Variants in GRM5 observed in about 807,000 individuals in gnomAD.
GRM5 encodes metabotropic glutamate receptor 5.
Under a neutral mutation model 83.1 loss-of-function variants are expected in GRM5, and 19 were observed. That is an observed-to-expected ratio of 0.23 (90% CI 0.16 to 0.34). GRM5 has a LOEUF of 0.34. Among genes scored for constraint, GRM5 ranks in the 10% least tolerant of loss-of-function variants. The pLI is 1.00. For synonymous variants in GRM5, 675 were observed against 633.6 expected, an observed-to-expected ratio of 1.07 and a Z score of -0.98; for missense variants, 1,160 against 1,588.3, an observed-to-expected ratio of 0.73 and a Z score of 4.58.
chr11:88,586,631 C>A (rs1943320833), intron 7 of GRM5, among the ~76,000 whole-genome samples: 1 of 152,208 alleles, frequency 6.6e-6, no homozygotes, highest in East Asian at 1.9e-4. Flanking sequence ...TCAGGATGTT[C>A]TTCTAGCTAG....
chr11:88,623,314 A>G (rs190552159), intron 4 of GRM5, among the ~76,000 whole-genome samples: 45 of 151,652 alleles, frequency 3.0e-4, no homozygotes, highest in African/African-American at 1.0e-3. Context: ...TATTTTTTGT[A>G]TATTTAGTAG....
chr11:88,794,562 T>G (rs561662071), intron 3 of GRM5, among the ~76,000 whole-genome samples: 1 of 152,320 alleles, frequency 6.6e-6, no homozygotes, highest in South Asian at 2.1e-4. Context: ...AATGATCAGT[T>G]AGAAATCTAT....
At chr11:88,835,376 G>A (rs781419233) in intron 3 of GRM5, among the ~76,000 whole-genome samples, 56 of 152,198 alleles carry the variant, frequency 3.7e-4, no homozygotes, top group Non-Finnish European at 5.0e-4. Flanking sequence ...GCAGAAGTGT[G>A]TCAATTCTGA....
chr11:89,020,199 T>C (rs1280431952), intron 2 of GRM5, among the ~76,000 whole-genome samples: 2 of 152,216 alleles, frequency 1.3e-5, no homozygotes, highest in East Asian at 3.9e-4. Flanking sequence ...CAAGTGAAAG[T>C]CTCAGATAAC....
At chr11:88,816,137 C>T (rs1198037887) in intron 3 of GRM5, among the ~76,000 whole-genome samples, 5 of 135,108 alleles carry the variant, frequency 3.7e-5, no homozygotes, top group East Asian at 4.3e-4. Context: ...GGCGTGAACC[C>T]GGGAAGCGGA....
At position 89,002,063 on chromosome 11, in the gene GRM5, T is replaced by C. The variant is rs1228772357; in HGVS notation, c.661+45149A>G. 4.6e-5 allele frequency among the ~76,000 whole-genome samples: 7 copies of C among 152,272 alleles called. 1 individual carries two copies. In the South Asian group the frequency reaches 1.0e-3, roughly 23 times the overall value. ...GTTGATAACAACATTTTAAAAGGCATGTGGAAGGACATAAAGTGAATGCCT... is the reference window on the plus strand; with the variant it reads ...GTTGATAACAACATTTTAAAAGGCACGTGGAAGGACATAAAGTGAATGCCT... On this transcript the variant is annotated intron_variant, in intron 2 of 9. Coordinates refer to ENST00000305447, the MANE Select transcript of GRM5 (RefSeq NM_001143831.3).
At chr11:88,682,803 A>G (rs1292124141) in intron 3 of GRM5, among the ~76,000 whole-genome samples, 1 of 152,146 alleles carries the variant, frequency 6.6e-6, no homozygotes, top group Non-Finnish European at 1.5e-5. Flanking sequence ...TTAAAGAAAT[A>G]TGGACTTTTT....
At chr11:88,747,284 C>T (rs963181154) in intron 3 of GRM5, among the ~76,000 whole-genome samples, 7 of 152,120 alleles carry the variant, frequency 4.6e-5, no homozygotes, top group Non-Finnish European at 1.0e-4. Context: ...GTGAATACAG[C>T]ATAACAAGCT....
intron 3 of GRM5, among the ~76,000 whole-genome samples, chr11:88,849,298 T>C (rs1262826174): frequency 6.6e-6 from 1 of 152,190 alleles, no homozygotes; most frequent in Non-Finnish European, 1.5e-5. Context: ...ACTAATACAC[T>C]GATTCAGCCA....
At chr11:88,932,360 A>G (rs1480164816) in intron 2 of GRM5, among the ~76,000 whole-genome samples, 1 of 152,044 alleles carries the variant, frequency 6.6e-6, no homozygotes, top group Non-Finnish European at 1.5e-5. Flanking sequence ...ACAACAGTTT[A>G]TTGGCTAAAA....
At chr11:89,061,326 C>CA (rs1941988244) in intron 1 of GRM5, among the ~76,000 whole-genome samples, 1 of 152,142 alleles carries the variant, frequency 6.6e-6, no homozygotes. Flanking sequence ...AACCTCATCT[C>CA]ACATTTTCTA....
chr11:88,910,757 C>G (rs1289753980), intron 2 of GRM5, among the ~76,000 whole-genome samples: 3 of 151,988 alleles, frequency 2.0e-5, no homozygotes, highest in Non-Finnish European at 4.4e-5. Context: ...GTATTTCAAG[C>G]AAGAATCCAG....
In GRM5 at chr11:88,567,135, C is replaced by T; in HGVS notation, c.2548G>A (p.Gly850Ser). 1.2e-6 allele frequency: 2 copies of T among 1,614,068 alleles called. No individual in the cohort carries two copies. The highest frequency in any genetic ancestry group is 1.7e-6 in the Non-Finnish European group (2 of 1,179,984). The change falls in exon 8 of 10, where the codon GGC becomes AGC. Residue 850 changes from glycine to serine, a missense_variant. Transcript: ENST00000305447. This position sits in a 1 kb window ranked among gnomAD's most constrained non-coding sequence, Gnocchi z 7.3. ...STVVRMHVGD[G>S]KSSSAASRSS... Reference sequence around the variant, plus strand: ...CTGCTGGCTGCGGAGGATGACTTGCCATCCCCTACATGCATGCGCACCACG... The same window carrying T: ...CTGCTGGCTGCGGAGGATGACTTGCTATCCCCTACATGCATGCGCACCACG...
intron 2 of GRM5, among the ~76,000 whole-genome samples, chr11:88,912,438 GC>G (rs983666602): frequency 1.4e-5 from 2 of 148,126 alleles, no homozygotes; most frequent in African/African-American, 5.0e-5. Flanking sequence ...GCTTGCATTT[GC>G]CCTCTATGCA....
rs926123676 is a variant in GRM5 at position 88,742,058 on chromosome 11, C to T, written c.912-88655G>A. ...GCGGTGAAGTGGAAGGAAGGTTAGGCTGTGCCACAGATATTTATAGACTCT... is the reference window on the plus strand; with the variant it reads ...GCGGTGAAGTGGAAGGAAGGTTAGGTTGTGCCACAGATATTTATAGACTCT... On this transcript the variant is annotated intron_variant, in intron 3 of 9. Coordinates refer to ENST00000305447, the MANE Select transcript of GRM5 (RefSeq NM_001143831.3). 2.6e-4 allele frequency among the ~76,000 whole-genome samples: 40 copies of T among 152,056 alleles called. 1 individual carries two copies. The highest frequency in any genetic ancestry group is 2.4e-3 in the Admixed American group (37 of 15,230).
chr11:88,653,176 G>A lies in GRM5; in HGVS notation c.1139C>T (p.Thr380Ile). The change falls in exon 4 of 10, where the codon ACT becomes ATT. Residue 380 changes from threonine (T) to isoleucine (I), a missense_variant. Physicochemically the swap from Thr to Ile is moderately conservative, Grantham distance 89. Around this residue, in one of 9 missense-constraint regions of GRM5, gnomAD observed 132 missense variants for 197.6 expected, o/e 0.67. Transcript: ENST00000305447. ...ATAATAAATCTGCTTACTATTGCAA[G>A]TCTTGTTGTATTTGCTGTTCTCCTG... ...FPQENSKYNK[T>I]CNSSLTLKTH... The A allele has an allele frequency of 1.9e-6, 3 of 1,580,134 alleles. No homozygotes were observed. Among genetic ancestry groups the A allele is most frequent in the Non-Finnish European group, 2.6e-6 (3 of 1,149,438 alleles).
At chr11:89,065,557 G>T (rs1322663083) in intron 1 of GRM5, among the ~76,000 whole-genome samples, 1 of 152,098 alleles carries the variant, frequency 6.6e-6, no homozygotes, top group Non-Finnish European at 1.5e-5. Context: ...CACAGCACAC[G>T]TCCTTGCAGG....
intron 8 of GRM5, among the ~76,000 whole-genome samples, chr11:88,537,996 G>A (rs1208564143): frequency 6.6e-6 from 1 of 151,510 alleles, no homozygotes; most frequent in Non-Finnish European, 1.5e-5. Context: ...AAAATCAGCT[G>A]TATTGACTTA....
intron 3 of GRM5, among the ~76,000 whole-genome samples, chr11:88,734,935 G>A (rs1941881837): frequency 1.3e-5 from 2 of 151,994 alleles, no homozygotes; most frequent in African/African-American, 4.8e-5. Flanking sequence ...TGGATTCTGG[G>A]TTTGCTAAAT....
Sources: gnomAD v4.1 joint callset for allele counts (sites outside exome capture counted in the v4.1 genomes callset) on GRCh38, gnomAD v4.1.1 for gene constraint, gnomAD v4.1.1 regional missense constraint, Gnocchi (gnomAD v3.1) non-coding constraint, MANE v1.5 for transcripts, NCBI Gene and HGNC (gene_info 2026-07-23, HGNC 2026-07-21) for gene names.